Variants in FBXO28 observed in about 807,000 individuals in gnomAD.
FBXO28 encodes F-box protein 28.
FBXO28 carries 8 observed loss-of-function variants against 38.1 expected under a neutral mutation model. The ratio of observed to expected loss-of-function variants is 0.21; its 90% CI spans 0.12 to 0.38. FBXO28 has a LOEUF of 0.38. Among genes scored for constraint, FBXO28 ranks in the 10% least tolerant of loss-of-function variants. FBXO28 has a pLI of 1.00. For synonymous variants in FBXO28, 168 were observed against 173.8 expected (o/e 0.97, Z 0.26); for missense variants, 345 against 460.6 (o/e 0.75, Z 2.30).
In FBXO28 at chr1:224,155,780, T is replaced by C. The variant is rs893033420; in HGVS notation, c.713-1572T>C. On this transcript the variant is annotated intron_variant, in intron 4 of 4. Transcript: ENST00000366862. ...TCTGTTATTTATTGAGTACCTATTATGCGCACAGCACTGTACTGTGTCCTG... is the reference window on the plus strand; with the variant it reads ...TCTGTTATTTATTGAGTACCTATTACGCGCACAGCACTGTACTGTGTCCTG... Among the ~76,000 whole-genome samples the C allele has an allele frequency of 6.6e-5, 10 of 152,344 alleles. No individual in the cohort carries two copies. The East Asian group carries it at 1.9e-3, about 29-fold the overall frequency.
chr1:224,134,247 T>C (rs1388733349), intron 3 of FBXO28, 35 bp downstream of exon 3: 1 of 1,602,122 alleles, frequency 6.2e-7, no homozygotes, highest in Non-Finnish European at 8.5e-7. Context: ...ACAGCTGGAC[T>C]GCCCTACATA....
At chr1:224,130,196 G>T (rs1419187004) in intron 1 of FBXO28, among the ~76,000 whole-genome samples, 2 of 152,030 alleles carry the variant, frequency 1.3e-5, no homozygotes, top group Non-Finnish European at 2.9e-5. Context: ...ACAAAAATTA[G>T]CCAGGCATGA....
intron 3 of FBXO28, among the ~76,000 whole-genome samples, chr1:224,148,253 C>T (rs555234896): frequency 6.6e-6 from 1 of 152,148 alleles, no homozygotes; most frequent in South Asian, 2.1e-4. Flanking sequence ...ACTTTGGAAC[C>T]GATCTAATAA....
At chr1:224,131,983 T>A (rs1207462957) in intron 2 of FBXO28, among the ~76,000 whole-genome samples, 1 of 152,196 alleles carries the variant, frequency 6.6e-6, no homozygotes, top group African/African-American at 2.4e-5. Flanking sequence ...CCAGGTGCAG[T>A]GGCTCACACC....
intron 3 of FBXO28, among the ~76,000 whole-genome samples, chr1:224,140,876 G>A (rs541071793): frequency 1.3e-5 from 2 of 151,726 alleles, no homozygotes; most frequent in African/African-American, 4.8e-5. Context: ...AACCTGGGAG[G>A]TGGAGGTTGC....
At chr1:224,140,719 C>G (rs991792028) in intron 3 of FBXO28, among the ~76,000 whole-genome samples, 1 of 151,998 alleles carries the variant, frequency 6.6e-6, no homozygotes, top group African/African-American at 2.4e-5. Context: ...CTGAGGTGGG[C>G]GGATCACCTG....
intron 3 of FBXO28, among the ~76,000 whole-genome samples, chr1:224,138,064 C>T (rs1412562589): frequency 1.3e-5 from 2 of 151,610 alleles, no homozygotes; most frequent in South Asian, 4.1e-4. Context: ...CCTGTCTATA[C>T]TAAAAATACA....
At chr1:224,122,785 A>G (rs917536713) in intron 1 of FBXO28, among the ~76,000 whole-genome samples, 3 of 152,194 alleles carry the variant, frequency 2.0e-5, no homozygotes, top group African/African-American at 4.8e-5. Flanking sequence ...CCATCTGTCT[A>G]ACCTTTAGCA....
chr1:224,144,936 A>G (rs772132654), intron 3 of FBXO28, among the ~76,000 whole-genome samples: 101 of 152,194 alleles, frequency 6.6e-4, no homozygotes, highest in Non-Finnish European at 1.1e-3. Context: ...GTTTTTATTA[A>G]TCTTTCTTAA....
intron 1 of FBXO28, among the ~76,000 whole-genome samples, chr1:224,117,134 C>T (rs1398264294): frequency 2.0e-5 from 3 of 150,910 alleles, no homozygotes; most frequent in South Asian, 2.1e-4. Context: ...CCGAGATCGC[C>T]GTCTCAAAAA....
intron 3 of FBXO28, among the ~76,000 whole-genome samples, chr1:224,152,159 T>G (rs987983341): frequency 2.0e-5 from 3 of 151,996 alleles, no homozygotes; most frequent in Admixed American, 6.6e-5. Flanking sequence ...GTTCACTTAC[T>G]GTTCCAGCAA....
At chr1:224,156,754 CT>C (rs1174845196) in intron 4 of FBXO28, among the ~76,000 whole-genome samples, 2 of 152,214 alleles carry the variant, frequency 1.3e-5, no homozygotes. Flanking sequence ...AATCCCAGCA[CT>C]TCGGGAGGCC....
intron 1 of FBXO28, among the ~76,000 whole-genome samples, chr1:224,121,634 C>T (rs1656781475): frequency 6.6e-6 from 1 of 151,976 alleles, no homozygotes; most frequent in Non-Finnish European, 1.5e-5. Flanking sequence ...GGATTGCAGA[C>T]GTGAGCCACC....
intron 4 of FBXO28, among the ~76,000 whole-genome samples, chr1:224,154,791 G>A (rs1385303739): frequency 2.8e-4 from 41 of 144,638 alleles, no homozygotes; most frequent in Admixed American, 5.6e-4. Flanking sequence ...CAGCCTGGGT[G>A]ACAGTGCGAG....
chr1:224,133,952 A>G (rs1364532454), intron 2 of FBXO28, 122 bp from the exon 3 acceptor site: 5 of 651,828 alleles, frequency 7.7e-6, no homozygotes, highest in African/African-American at 5.7e-5. Context: ...TTATGACCCA[A>G]CTGTAGATTT....
At chr1:224,122,429 C>T (rs1656800171) in intron 1 of FBXO28, among the ~76,000 whole-genome samples, 1 of 152,096 alleles carries the variant, frequency 6.6e-6, no homozygotes, top group African/African-American at 2.4e-5. Context: ...TCACAATATC[C>T]TCATTTCCAG....
chr1:224,129,324 G>A (rs1249971149), intron 1 of FBXO28, among the ~76,000 whole-genome samples: 2 of 152,148 alleles, frequency 1.3e-5, no homozygotes, highest in Non-Finnish European at 2.9e-5. Context: ...TGGGTGACAA[G>A]AGTGAAACTC....
At chr1:224,150,183 G>T (rs901766148) in intron 3 of FBXO28, among the ~76,000 whole-genome samples, 11 of 151,826 alleles carry the variant, frequency 7.2e-5, no homozygotes, top group Non-Finnish European at 1.5e-5. Context: ...AATTAGCCAG[G>T]CTTGGTGGTG....
intron 1 of FBXO28, among the ~76,000 whole-genome samples, chr1:224,114,917 C>T (rs1330995756): frequency 2.0e-5 from 3 of 152,162 alleles, no homozygotes; most frequent in Non-Finnish European, 2.9e-5. Context: ...GGCTCAGTGA[C>T]CCCAAACCCA....
Sources: gnomAD v4.1 joint callset for allele counts (sites outside exome capture counted in the v4.1 genomes callset) on GRCh38, gnomAD v4.1.1 for gene constraint, MANE v1.5 for transcripts, NCBI Gene and HGNC (gene_info 2026-07-23, HGNC 2026-07-21) for gene names.